RAP1GAP2: variants seen among roughly 807,000 people sequenced by gnomAD.
RAP1GAP2 encodes RAP1 GTPase activating protein 2.
Under a neutral mutation model 95.0 loss-of-function variants are expected in RAP1GAP2, and 27 were observed. That is an observed-to-expected ratio of 0.28 (90% CI 0.21 to 0.39). The LOEUF (loss-of-function observed/expected upper bound fraction) is 0.39. RAP1GAP2 is among the 10% of genes least tolerant of loss of function. RAP1GAP2 has a pLI of 1.00. For missense variants in RAP1GAP2, 771 were observed against 970.0 expected (o/e 0.79, Z 2.72); for synonymous variants, 373 against 380.9 (o/e 0.98, Z 0.24).
intron 2 of RAP1GAP2, among the ~76,000 whole-genome samples, chr17:2,818,146 A>AT (rs1191220573): frequency 1.3e-5 from 2 of 150,470 alleles, no homozygotes; most frequent in African/African-American, 4.9e-5. Context: ...TCTATGTTTA[A>AT]TTTTTTTAGC....
chr17:2,963,286 G>A lies in RAP1GAP2; in HGVS notation c.247-144G>A, dbSNP rs750942707. The stretch of plus-strand genomic sequence containing the variant: ...AACATGGGGGATGTTAGATTCCAGA[G>A]CTGATTCTGAGCTGTTCTTCCATCG... On this transcript the variant is annotated intron_variant, in intron 5 of 24. Coordinates refer to ENST00000254695, the MANE Select transcript of RAP1GAP2 (RefSeq NM_015085.5). The surrounding 1 kb of genome is among the most constrained non-coding windows in gnomAD (Gnocchi z 4.8). 10 of 917,712 alleles carry A rather than the reference G, an allele frequency of 1.1e-5. No homozygotes were observed. The highest frequency in any genetic ancestry group is 1.8e-5 in the Non-Finnish European group (10 of 562,568). The allele number at this position is 917,712 out of a possible 1,614,324, so 56.8% of individuals were successfully genotyped here.
Position 3,028,913 on chromosome 17 carries a change from G to A in RAP1GAP2, c.2107+1843G>A, listed in dbSNP as rs888815713. Among the ~76,000 whole-genome samples, 3 of 152,256 alleles carry A rather than the reference G, an allele frequency of 2.0e-5. No homozygotes were observed. In the East Asian group the frequency reaches 5.8e-4, roughly 29 times the overall value. On this transcript the variant is annotated intron_variant, in intron 22 of 24. Coordinates refer to ENST00000254695, the MANE Select transcript of RAP1GAP2 (RefSeq NM_015085.5). ...CCTCCCAGGTTCAAGTGATTCACCT[G>A]CCTCAGCCTTCCAAGTAGCTGGGAT...
chr17:2,841,410 T>G (rs1333809892), intron 2 of RAP1GAP2, among the ~76,000 whole-genome samples: 1 of 149,916 alleles, frequency 6.7e-6, no homozygotes, highest in Non-Finnish European at 1.5e-5. Context: ...TTCACGCCAT[T>G]CTCCTGCCTC....
chr17:2,829,216 T>G (rs2070727607), intron 2 of RAP1GAP2, among the ~76,000 whole-genome samples: 1 of 152,088 alleles, frequency 6.6e-6, no homozygotes, highest in African/African-American at 2.4e-5. Flanking sequence ...ACTCCTGACC[T>G]CAGGTGATCC....
At chr17:3,009,526 AC>A (rs1488716534) in intron 17 of RAP1GAP2, among the ~76,000 whole-genome samples, 2 of 152,186 alleles carry the variant, frequency 1.3e-5, no homozygotes, top group African/African-American at 4.8e-5. Flanking sequence ...CAAATCCGAC[AC>A]CACCTCCCAC....
In RAP1GAP2 at chr17:2,913,281, C is replaced by T. The variant is rs184176778; in HGVS notation, c.165+7913C>T. 2.3e-3 allele frequency among the ~76,000 whole-genome samples: 345 copies of T among 151,322 alleles called. 2 individuals are homozygous for T. Among genetic ancestry groups the T allele is most frequent in the Non-Finnish European group, 3.6e-3 (243 of 68,002 alleles). On this transcript the variant is annotated intron_variant, in intron 3 of 24. Coordinates refer to ENST00000254695, the MANE Select transcript of RAP1GAP2 (RefSeq NM_015085.5). ...CACACCTGAGCATGTGCCTATTTTC[C>T]CTAATTCTGTTCTCTTTTTTTTTTG... is the stretch of plus-strand genomic sequence containing the variant.
upstream of RAP1GAP2, among the ~76,000 whole-genome samples, chr17:2,794,089 C>CA (rs397700707): frequency 0.33 from 27,476 of 82,210 alleles, 3,895 homozygotes; most frequent in Middle Eastern, 0.42. Context: ...CGAGACTCTT[C>CA]AAAAAAAAAA....
At chr17:3,012,690 G>A (rs2046599703) in intron 17 of RAP1GAP2, among the ~76,000 whole-genome samples, 1 of 151,040 alleles carries the variant, frequency 6.6e-6, no homozygotes, top group Non-Finnish European at 1.5e-5. Context: ...AGGGTAAATA[G>A]GTAAGGCCTG....
At position 2,963,553 on chromosome 17, in the gene RAP1GAP2, C is replaced by T. The variant is rs1052941675; in HGVS notation, c.279+91C>T. On this transcript the variant is annotated intron_variant, in intron 6 of 24. Transcript: ENST00000254695. The surrounding 1 kb of genome is among the most constrained non-coding windows in gnomAD (Gnocchi z 4.8). Reference sequence around the variant, plus strand: ...GATGGCGATGGCCTGTGCCCAGCCCCCCAGGGGAGAGAACCTTGGGCCTGG... The same window carrying T: ...GATGGCGATGGCCTGTGCCCAGCCCTCCAGGGGAGAGAACCTTGGGCCTGG... 7 of 1,539,536 alleles carry T rather than the reference C, an allele frequency of 4.5e-6. No homozygotes were observed. Among genetic ancestry groups the T allele is most frequent in the Non-Finnish European group, 6.3e-6 (7 of 1,114,370 alleles).
At chr17:2,801,103 C>T (rs143252763) in intron 2 of RAP1GAP2, among the ~76,000 whole-genome samples, 7 of 151,476 alleles carry the variant, frequency 4.6e-5, no homozygotes, top group Non-Finnish European at 1.0e-4. Flanking sequence ...CCACCTAGGC[C>T]TCCCAAAGTG....
rs1204767714 is a variant in RAP1GAP2, at chr17:3,019,269, A to G, written c.1632+1071A>G. On this transcript the variant is annotated intron_variant, in intron 18 of 24. Coordinates refer to ENST00000254695, the MANE Select transcript of RAP1GAP2 (RefSeq NM_015085.5). ...TTTCATAAAGCAAAGTGGGCCGGGC[A>G]TGGTGGCTGAGGAGGGTGGATCCCT... is the stretch of plus-strand genomic sequence containing the variant. 2.0e-5 allele frequency among the ~76,000 whole-genome samples: 3 copies of G among 152,028 alleles called. No individual in the cohort carries two copies. The East Asian group carries it at 5.8e-4, about 29-fold the overall frequency.
At chr17:2,892,959 T>C (rs960897734) in intron 2 of RAP1GAP2, among the ~76,000 whole-genome samples, 1 of 152,202 alleles carries the variant, frequency 6.6e-6, no homozygotes, top group South Asian at 2.1e-4. Flanking sequence ...TGTATCTTTA[T>C]GTTTTTGTTC....
intron 1 of RAP1GAP2, among the ~76,000 whole-genome samples, chr17:2,764,110 T>TA (rs568735344): frequency 1.1e-4 from 16 of 148,090 alleles, no homozygotes; most frequent in South Asian, 2.1e-4. Flanking sequence ...TATCTTAAAT[T>TA]AAAAAAAAAA....
intron 2 of RAP1GAP2, among the ~76,000 whole-genome samples, chr17:2,834,923 T>C (rs2071063978): frequency 6.6e-6 from 1 of 152,064 alleles, no homozygotes; most frequent in Admixed American, 6.6e-5. Flanking sequence ...TAATTAATTA[T>C]TATTATTATT....
At chr17:2,981,788 A>T (rs1460028282) in intron 10 of RAP1GAP2, among the ~76,000 whole-genome samples, 1 of 152,168 alleles carries the variant, frequency 6.6e-6, no homozygotes, top group Non-Finnish European at 1.5e-5. Flanking sequence ...CCCAGTTCTG[A>T]TATGGGCGTG....
At chr17:2,894,531 C>T (rs1258115944) in intron 2 of RAP1GAP2, among the ~76,000 whole-genome samples, 1 of 152,162 alleles carries the variant, frequency 6.6e-6, no homozygotes, top group Non-Finnish European at 1.5e-5. Flanking sequence ...GTTCTTGTTA[C>T]ACCTGTCTTT....
intron 2 of RAP1GAP2, among the ~76,000 whole-genome samples, chr17:2,865,516 C>T (rs1284491219): frequency 6.6e-6 from 1 of 152,190 alleles, no homozygotes; most frequent in African/African-American, 2.4e-5. Context: ...AAGGTCCCGG[C>T]TGCAGCCTGG....
At chr17:3,009,566 A>G (rs979212056) in intron 17 of RAP1GAP2, among the ~76,000 whole-genome samples, 1 of 152,274 alleles carries the variant, frequency 6.6e-6, no homozygotes, top group Non-Finnish European at 1.5e-5. Context: ...TTCCACCCGC[A>G]CTAGCCTGGG....
intron 2 of RAP1GAP2, among the ~76,000 whole-genome samples, chr17:2,843,171 G>C (rs114569696): frequency 6.6e-6 from 1 of 152,092 alleles, no homozygotes; most frequent in African/African-American, 2.4e-5. Context: ...ACAAGCCAGC[G>C]GCTAGGTGCA....
Sources: allele counts gnomAD v4.1 joint callset (sites outside exome capture counted in the v4.1 genomes callset), GRCh38; gene constraint gnomAD v4.1.1; non-coding constraint Gnocchi (gnomAD v3.1); transcripts MANE v1.5; gene names NCBI Gene and HGNC (gene_info 2026-07-23, HGNC 2026-07-21).